Variants in MINK1 observed in about 807,000 individuals in gnomAD.
MINK1 encodes the protein misshapen-like kinase 1.
A neutral mutation model predicts 178.4 loss-of-function variants in MINK1; 46 were observed. That is an observed-to-expected ratio of 0.26 (90% CI 0.20 to 0.33). The LOEUF is 0.33. MINK1 is among the 10% of genes least tolerant of loss of function. MINK1 has a pLI of 1.00. For missense variants in MINK1, 1,366 were observed against 1,814.9 expected, an observed-to-expected ratio of 0.75 and a Z score of 4.49; for synonymous variants, 797 against 709.7, an observed-to-expected ratio of 1.12 and a Z score of -1.96.
chr17:4,847,039 C>G (rs1911143119), intron 1 of MINK1: 2 of 385,742 alleles, frequency 5.2e-6, no homozygotes, highest in African/African-American at 2.1e-5. Flanking sequence ...ATGAACATAC[C>G]TGCTACTGCC....
At chr17:4,884,590 C>A in intron 5 of MINK1, 117 bp downstream of exon 5, 2 of 767,726 alleles carry the variant, frequency 2.6e-6, no homozygotes, top group East Asian at 2.7e-5. Flanking sequence ...TAGGGAGCAG[C>A]AGGCCTGATG....
At chr17:4,856,811 A>C (rs1207507212) in intron 1 of MINK1, 1 of 155,986 alleles carries the variant, frequency 6.4e-6, no homozygotes, top group Non-Finnish European at 1.4e-5. Context: ...ACAGACGATG[A>C]ACACGAGGAC....
intron 1 of MINK1, among the ~76,000 whole-genome samples, chr17:4,860,412 G>A (rs1913979211): frequency 6.6e-6 from 1 of 152,150 alleles, no homozygotes; most frequent in Non-Finnish European, 1.5e-5. Context: ...TTCAGTTCGT[G>A]TCCCAGCCTC....
chr17:4,846,008 T>A (rs1395969014), intron 1 of MINK1, among the ~76,000 whole-genome samples: 1 of 152,220 alleles, frequency 6.6e-6, no homozygotes, highest in African/African-American at 2.4e-5. Flanking sequence ...TCCCTCATCC[T>A]TGCTATTTAC....
chr17:4,839,045 G>A (rs1209276737), intron 1 of MINK1, among the ~76,000 whole-genome samples: 5 of 151,748 alleles, frequency 3.3e-5, no homozygotes, highest in East Asian at 1.9e-4. Context: ...CCAGGTTCAC[G>A]CCATTCTCCT....
rs1319477755 is a variant in MINK1, at chr17:4,896,181, G to T, written c.3466-12G>T. The T allele has an allele frequency of 1.9e-6, 3 of 1,599,430 alleles. No individual in the cohort carries two copies. The highest frequency in any genetic ancestry group is 1.1e-5 in the South Asian group (1 of 88,948). On this transcript the variant is annotated splice_polypyrimidine_tract_variant and intron_variant, in intron 28 of 31. Transcript: ENST00000355280. This position sits in a 1 kb window ranked among gnomAD's most constrained non-coding sequence, Gnocchi z 4.6. Reference sequence around the variant, plus strand: ...GTGCCCCTGAGCCCTCCTCTCCTCCGGTTCTCTGCAGTCCTTTGCCGACCT... The same window carrying T: ...GTGCCCCTGAGCCCTCCTCTCCTCCTGTTCTCTGCAGTCCTTTGCCGACCT...
At chr17:4,890,485 G>A in intron 13 of MINK1, 32 bp from the exon 14 acceptor site, 1 of 1,560,222 alleles carries the variant, frequency 6.4e-7, no homozygotes, top group Non-Finnish European at 8.7e-7. Flanking sequence ...GCCACACCCT[G>A]CTGAGCCCTC....
chr17:4,889,616 G>T, intron 12 of MINK1, 31 bp from the exon 13 acceptor site: 1 of 1,543,932 alleles, frequency 6.5e-7, no homozygotes, highest in Non-Finnish European at 8.8e-7. Context: ...TGTCCGGTAT[G>T]GTTCTTAAGA....
At position 4,885,796 on chromosome 17, in the gene MINK1, T is replaced by C. The variant is rs1968147509; in HGVS notation, c.640-115T>C. On this transcript the variant is annotated intron_variant, in intron 7 of 31. Coordinates refer to ENST00000355280, the MANE Select transcript of MINK1 (RefSeq NM_153827.5). The surrounding 1 kb of genome is among the most constrained non-coding windows in gnomAD (Gnocchi z 5.0). ...GATGGGATGGGTTGGAAGGCACTGC[T>C]GCAGGAATGGGTGTGGCCCAGGAAG... is the stretch of plus-strand genomic sequence containing the variant. The C allele has an allele frequency of 7.1e-7, 1 of 1,417,738 alleles. No homozygotes were observed. Among genetic ancestry groups the C allele is most frequent in the Admixed American group, 1.9e-5 (1 of 51,716 alleles). 87.8% of individuals were successfully genotyped at this position (1,417,738 alleles called of 1,614,324 possible).
rs780610517 is a variant in MINK1 at position 4,896,064 on chromosome 17, C to G, written c.3426C>G (p.Ala1142=). The change falls in exon 28 of 32, where the codon GCC becomes GCG. Residue 1142 remains alanine, a synonymous_variant. Coordinates refer to ENST00000355280, the MANE Select transcript of MINK1 (RefSeq NM_153827.5). The surrounding 1 kb of genome is among the most constrained non-coding windows in gnomAD (Gnocchi z 4.6). The stretch of plus-strand genomic sequence containing the variant: ...TCAAGAGCTCCGTGGAGGTGTATGC[C>G]TGGGCCCCCAAACCCTACCACAAAT... ...IALKSSVEVY[A]WAPKPYHKFM... is the part of the protein sequence containing the mutation. The G allele has an allele frequency of 6.2e-7, 1 of 1,607,914 alleles. No homozygotes were observed. Among genetic ancestry groups the G allele is most frequent in the Admixed American group, 1.7e-5 (1 of 59,174 alleles).
chr17:4,891,789 A>G (rs2151047542), intron 16 of MINK1, 73 bp downstream of exon 16: 6 of 1,497,484 alleles, frequency 4.0e-6, no homozygotes, highest in South Asian at 1.3e-5. Context: ...GTGAAGGGGC[A>G]GGCCACATGG....
At chr17:4,868,651 C>T (rs1454570779) in intron 1 of MINK1, among the ~76,000 whole-genome samples, 3 of 152,188 alleles carry the variant, frequency 2.0e-5, no homozygotes, top group Non-Finnish European at 4.4e-5. Context: ...TTTATGTATG[C>T]ATTTATTTAG....
In MINK1 at chr17:4,886,590, C is replaced by G. The variant is rs1314375910; in HGVS notation, c.913C>G (p.His305Asp). ...ERQVRIQLKDHIDRSRKKRGE... is the reference protein window; with the variant it reads ...ERQVRIQLKDDIDRSRKKRGE... ...GCAGGTCCGCATCCAGCTTAAGGAC[C>G]ACATTGACCGATCCCGGAAGAAGCG... Residue 305 changes from histidine to aspartate, a missense_variant, in exon 10 of 32, where the codon CAC (histidine) becomes GAC (aspartate). This residue lies in a region of MINK1 where 23 missense variants were observed against 30.2 expected (regional missense o/e 0.76). Transcript: ENST00000355280. The surrounding 1 kb of genome is among the most constrained non-coding windows in gnomAD (Gnocchi z 6.1). 6.2e-7 allele frequency: 1 copy of G among 1,607,800 alleles called. No homozygotes were observed. Among genetic ancestry groups the G allele is most frequent in the South Asian group, 1.1e-5 (1 of 90,526 alleles).
In MINK1 at chr17:4,889,699, G is replaced by T; in HGVS notation, c.1283G>T (p.Arg428Leu). The change falls in exon 13 of 32, where the codon CGG (arginine) becomes CTG (leucine). Residue 428 changes from arginine to leucine, a missense_variant. Around this residue, in one of 14 missense-constraint regions of MINK1, gnomAD observed 87 missense variants for 78.9 expected, o/e 1.10. Coordinates refer to ENST00000355280, the MANE Select transcript of MINK1 (RefSeq NM_153827.5). ...QRKLQEKEQQ[R>L]RLEDMQALRR... is the part of the protein sequence containing the mutation. Reference sequence around the variant, plus strand: ...AAGCTGCAGGAGAAGGAGCAGCAGCGGCGGCTGGAGGACATGCAGGCTCTG... The same window carrying T: ...AAGCTGCAGGAGAAGGAGCAGCAGCTGCGGCTGGAGGACATGCAGGCTCTG... 1 of 1,557,872 alleles carries T rather than the reference G, an allele frequency of 6.4e-7. No homozygotes were observed.
intron 1 of MINK1, among the ~76,000 whole-genome samples, chr17:4,842,587 A>T (rs1018612026): frequency 2.6e-5 from 4 of 152,190 alleles, no homozygotes; most frequent in African/African-American, 9.7e-5. Context: ...GAAGATTTTC[A>T]TGTTCTCTTT....
At chr17:4,888,595 G>A (rs1276525222) in intron 12 of MINK1, among the ~76,000 whole-genome samples, 1 of 151,120 alleles carries the variant, frequency 6.6e-6, no homozygotes, top group Non-Finnish European at 1.5e-5. Flanking sequence ...CTGAGATCAC[G>A]CCACTGGCCT....
intron 1 of MINK1, among the ~76,000 whole-genome samples, chr17:4,845,036 C>G (rs1910811103): frequency 6.6e-6 from 1 of 152,176 alleles, no homozygotes; most frequent in Non-Finnish European, 1.5e-5. Context: ...CTTCCAGCCC[C>G]TGGCACCCAC....
chr17:4,894,818 A>T lies in MINK1; in HGVS notation c.2917+185A>T. On this transcript the variant is annotated intron_variant, in intron 24 of 31. Transcript: ENST00000355280. This position sits in a 1 kb window ranked among gnomAD's most constrained non-coding sequence, Gnocchi z 4.1. ...AGACCCCTCCTTCCTGTCCCACAGG[A>T]CAGGAAATGCTCAGAGTTGCCAGGG... 1.6e-6 allele frequency: 1 copy of T among 634,914 alleles called. No individual in the cohort carries two copies. The highest frequency in any genetic ancestry group is 2.7e-6 in the Non-Finnish European group (1 of 367,246). The allele number at this position is 634,914 out of a possible 1,614,324, so 39.3% of individuals were successfully genotyped here.
chr17:4,880,360 C>T (rs1967583713), intron 2 of MINK1, among the ~76,000 whole-genome samples: 1 of 149,148 alleles, frequency 6.7e-6, no homozygotes, highest in Admixed American at 6.7e-5. Context: ...TGCAGTGGCA[C>T]AGTCTCGGCT....
Sources: gnomAD v4.1 joint callset for allele counts (sites outside exome capture counted in the v4.1 genomes callset) on GRCh38, gnomAD v4.1.1 for gene constraint, gnomAD v4.1.1 regional missense constraint, Gnocchi (gnomAD v3.1) non-coding constraint, MANE v1.5 for transcripts, NCBI Gene and HGNC (gene_info 2026-07-23, HGNC 2026-07-21) for gene names.